The following ADK variants were observed in gnomAD, a reference collection of about 807,000 sequenced individuals.
ADK encodes adenosine kinase, also known as N6,N6-dimethyladenosine kinase.
In ADK, 24 loss-of-function variants were observed where a neutral mutation model predicts 44.7. That is an observed-to-expected ratio of 0.54 (90% CI 0.39 to 0.76). The LOEUF is 0.76. Among genes scored for constraint, ADK ranks in the 30% least tolerant of loss-of-function variants. ADK has a pLI of 0.00. For missense variants in ADK, 321 were observed against 425.1 expected (o/e 0.76, Z 2.15); for synonymous variants, 128 against 142.6 (o/e 0.90, Z 0.73).
Position 74,560,250 on chromosome 10 carries a change from T to C in ADK, c.727-29032T>C, listed in dbSNP as rs558865114. Among the ~76,000 whole-genome samples the C allele has an allele frequency of 2.2e-4, 33 of 152,346 alleles. 1 individual carries two copies. Among genetic ancestry groups the C allele is most frequent in the East Asian group, 2.1e-3 (11 of 5,190 alleles). On this transcript the variant is annotated intron_variant, in intron 7 of 10. Coordinates refer to ENST00000539909, the MANE Select transcript of ADK (RefSeq NM_006721.4). Reference sequence around the variant, plus strand: ...TTGATTTTATTTTCGGTGCTTTTTTTGTATATGGAACTTTTTCTATTAGTA... The same window carrying C: ...TTGATTTTATTTTCGGTGCTTTTTTCGTATATGGAACTTTTTCTATTAGTA...
chr10:74,564,447 G>T (rs1419579494), intron 7 of ADK, among the ~76,000 whole-genome samples: 1 of 152,012 alleles, frequency 6.6e-6, no homozygotes, highest in Non-Finnish European at 1.5e-5. Flanking sequence ...AATACATTTT[G>T]CTTTTATCCT....
chr10:74,491,909 C>A (rs955787010), intron 6 of ADK, among the ~76,000 whole-genome samples: 1 of 151,976 alleles, frequency 6.6e-6, no homozygotes, highest in African/African-American at 2.4e-5. Flanking sequence ...ACTACTTTAC[C>A]TTTTGAATGT....
chr10:74,196,266 G>A (rs1036629237), intron 1 of ADK, among the ~76,000 whole-genome samples: 3 of 151,676 alleles, frequency 2.0e-5, no homozygotes, highest in Admixed American at 6.6e-5. Context: ...ATTAGGCTGG[G>A]TGCGGTGGCT....
At chr10:74,686,481 C>T (rs1855794538) in intron 10 of ADK, among the ~76,000 whole-genome samples, 1 of 152,178 alleles carries the variant, frequency 6.6e-6, no homozygotes. Flanking sequence ...TGCTCTTCCA[C>T]TCTGGCTTAC....
At chr10:74,372,175 C>T in intron 4 of ADK, 7 of 755,976 alleles carry the variant, frequency 9.3e-6, no homozygotes, top group South Asian at 4.1e-5. Context: ...GCAGAGCAGC[C>T]TGCTGCTGAA....
At chr10:74,225,037 T>G (rs868681481) in intron 3 of ADK, among the ~76,000 whole-genome samples, 26 of 152,340 alleles carry the variant, frequency 1.7e-4, no homozygotes, top group African/African-American at 6.3e-4. Flanking sequence ...TGTCACTGGT[T>G]TATGCAAAAG....
intron 7 of ADK, among the ~76,000 whole-genome samples, chr10:74,543,801 C>G (rs1231504843): frequency 6.6e-6 from 1 of 151,886 alleles, no homozygotes; most frequent in Non-Finnish European, 1.5e-5. Context: ...AAAAGTAATC[C>G]AAGAACTAAA....
intron 7 of ADK, among the ~76,000 whole-genome samples, chr10:74,527,127 A>T (rs1363693296): frequency 6.6e-6 from 1 of 152,202 alleles, no homozygotes; most frequent in South Asian, 2.1e-4. Flanking sequence ...TTTGGGAGGC[A>T]GAGGCGGGTG....
At chr10:74,185,842 GAAA>G (rs71021593) in intron 1 of ADK, among the ~76,000 whole-genome samples, 4 of 65,824 alleles carry the variant, frequency 6.1e-5, no homozygotes, top group South Asian at 5.7e-4. Context: ...GTCTCAAAAA[GAAA>G]AAAAAAAAAA....
intron 10 of ADK, among the ~76,000 whole-genome samples, chr10:74,692,415 G>T (rs1297322677): frequency 1.3e-5 from 2 of 152,158 alleles, no homozygotes; most frequent in Non-Finnish European, 2.9e-5. Context: ...GGAGGCGAAG[G>T]TTGCAGTGAG....
At chr10:74,518,572 C>A (rs1019748090) in intron 6 of ADK, among the ~76,000 whole-genome samples, 19 of 152,140 alleles carry the variant, frequency 1.2e-4, no homozygotes, top group African/African-American at 4.6e-4. Context: ...ACAAATACAC[C>A]AAAACTAAAA....
At chr10:74,172,077 A>G (rs78930096) in intron 1 of ADK, among the ~76,000 whole-genome samples, 2,715 of 151,850 alleles carry the variant, frequency 0.018, 44 homozygotes, top group Non-Finnish European at 0.026. Flanking sequence ...AAACTTTTTG[A>G]AAATTTTTTT....
chr10:74,241,204 T>G (rs1290992661), intron 3 of ADK, among the ~76,000 whole-genome samples: 2 of 152,252 alleles, frequency 1.3e-5, no homozygotes, highest in African/African-American at 4.8e-5. Flanking sequence ...AACTTTTTCT[T>G]AGTAAAGTTT....
At chr10:74,622,586 G>C (rs114340352) in intron 9 of ADK, among the ~76,000 whole-genome samples, 1 of 152,064 alleles carries the variant, frequency 6.6e-6, no homozygotes, top group East Asian at 1.9e-4. Context: ...GGGCTTATCT[G>C]TGTATTAAGG....
chr10:74,151,470 C>A, intron 1 of ADK, 127 bp downstream of exon 1: 1 of 1,022,860 alleles, frequency 9.8e-7, no homozygotes, highest in Non-Finnish European at 1.5e-6. Flanking sequence ...CACGCAGGAC[C>A]TCCCCCAGCT....
intron 7 of ADK, among the ~76,000 whole-genome samples, chr10:74,569,023 A>G (rs1192012902): frequency 6.8e-6 from 1 of 147,884 alleles, no homozygotes; most frequent in Admixed American, 7.0e-5. Flanking sequence ...GAGAACATGC[A>G]TTGTTTGGCT....
At chr10:74,459,981 C>A (rs1846111586) in intron 6 of ADK, among the ~76,000 whole-genome samples, 2 of 152,048 alleles carry the variant, frequency 1.3e-5, no homozygotes, top group Non-Finnish European at 2.9e-5. Flanking sequence ...AAGGGTATTT[C>A]TCCCTATAAT....
chr10:74,218,719 T>G (rs1303944194), intron 2 of ADK, among the ~76,000 whole-genome samples: 2 of 152,212 alleles, frequency 1.3e-5, no homozygotes, highest in African/African-American at 4.8e-5. Flanking sequence ...ATATTCAACA[T>G]TCTTAAAGAA....
At chr10:74,546,248 G>T (rs1022953370) in intron 7 of ADK, among the ~76,000 whole-genome samples, 1 of 152,166 alleles carries the variant, frequency 6.6e-6, no homozygotes, top group Admixed American at 6.5e-5. Flanking sequence ...AAAGAATGTT[G>T]TCACAACTCT....
Sources: allele counts gnomAD v4.1 joint callset (sites outside exome capture counted in the v4.1 genomes callset), GRCh38; gene constraint gnomAD v4.1.1; transcripts MANE v1.5; gene names NCBI Gene and HGNC (gene_info 2026-07-23, HGNC 2026-07-21).